The following PDE4B variants were observed in gnomAD, a reference collection of about 807,000 sequenced individuals.
PDE4B encodes 3',5'-cyclic-AMP phosphodiesterase 4B.
PDE4B carries 20 observed loss-of-function variants against 82.2 expected under a neutral mutation model. The ratio of observed to expected loss-of-function variants is 0.24; its 90% CI spans 0.17 to 0.35. The LOEUF (loss-of-function observed/expected upper bound fraction) is 0.35. PDE4B is among the 10% of genes least tolerant of loss of function. The pLI is 1.00. For synonymous variants in PDE4B, 320 were observed against 318.9 expected (o/e 1.00, Z -0.04); for missense variants, 655 against 907.2 (o/e 0.72, Z 3.57).
chr1:66,165,456 T>C (rs1646710394), intron 3 of PDE4B, among the ~76,000 whole-genome samples: 1 of 152,104 alleles, frequency 6.6e-6, no homozygotes, highest in African/African-American at 2.4e-5. Flanking sequence ...AAGAACTTAA[T>C]TGTGCAGATA....
intron 9 of PDE4B, among the ~76,000 whole-genome samples, chr1:66,358,140 G>T (rs1022545438): frequency 2.0e-5 from 3 of 152,112 alleles, no homozygotes; most frequent in African/African-American, 7.2e-5. Flanking sequence ...GAAAACAGGG[G>T]ACCCAGAGGG....
At chr1:65,816,200 T>TGTGG (rs1645882140) in intron 1 of PDE4B, among the ~76,000 whole-genome samples, 1 of 67,080 alleles carries the variant, frequency 1.5e-5, no homozygotes, top group Non-Finnish European at 4.0e-5. Context: ...AGTGTGTGTG[T>TGTGG]GTGTGTGTGT....
chr1:66,300,050 A>G (rs192342366), intron 7 of PDE4B, among the ~76,000 whole-genome samples: 4 of 152,314 alleles, frequency 2.6e-5, no homozygotes, highest in African/African-American at 9.6e-5. Flanking sequence ...ACAAACACAG[A>G]CATCTAGGGG....
chr1:66,030,037 G>GT (rs5774786), intron 3 of PDE4B, among the ~76,000 whole-genome samples: 20,294 of 144,214 alleles, frequency 0.14, 1,951 homozygotes, highest in East Asian at 0.28. Context: ...TCTGTTGAGG[G>GT]TTTTTTTTTT....
At chr1:65,868,731 G>A (rs1646540506) in intron 1 of PDE4B, among the ~76,000 whole-genome samples, 1 of 152,216 alleles carries the variant, frequency 6.6e-6, no homozygotes, top group Non-Finnish European at 1.5e-5. Context: ...CAGGTGAGCT[G>A]TGGCTGAGCC....
At chr1:66,206,313 C>T (rs1334494956) in intron 3 of PDE4B, among the ~76,000 whole-genome samples, 1 of 152,108 alleles carries the variant, frequency 6.6e-6, no homozygotes, top group African/African-American at 2.4e-5. Context: ...TTCAGTGTCC[C>T]TGAACGTTCA....
chr1:66,299,295 G>T (rs893785400), intron 7 of PDE4B, among the ~76,000 whole-genome samples: 8 of 151,862 alleles, frequency 5.3e-5, no homozygotes, highest in Non-Finnish European at 1.0e-4. Context: ...ATGTTTTTTA[G>T]CCTCCAGATA....
chr1:66,187,128 A>G (rs1647258802), intron 3 of PDE4B, among the ~76,000 whole-genome samples: 1 of 152,152 alleles, frequency 6.6e-6, no homozygotes, highest in Non-Finnish European at 1.5e-5. Context: ...TATATGCTGG[A>G]TTACGTTTAT....
At chr1:66,031,150 A>G (rs1362460350) in intron 3 of PDE4B, among the ~76,000 whole-genome samples, 2 of 152,210 alleles carry the variant, frequency 1.3e-5, no homozygotes, top group African/African-American at 2.4e-5. Flanking sequence ...AAATTGTACA[A>G]AAAAACCCTT....
intron 3 of PDE4B, among the ~76,000 whole-genome samples, chr1:66,081,388 A>G (rs1169863351): frequency 2.6e-5 from 4 of 152,032 alleles, no homozygotes; most frequent in African/African-American, 9.7e-5. Context: ...CCATGTCCCA[A>G]ACATTCTGAG....
intron 8 of PDE4B, among the ~76,000 whole-genome samples, chr1:66,344,568 G>T (rs146516525): frequency 7.2e-5 from 11 of 152,258 alleles, no homozygotes; most frequent in African/African-American, 2.6e-4. Context: ...TGCTTTTCAA[G>T]ACTCTTTAGG....
intron 8 of PDE4B, among the ~76,000 whole-genome samples, chr1:66,337,195 C>A (rs1316702090): frequency 6.6e-6 from 1 of 152,174 alleles, no homozygotes; most frequent in East Asian, 1.9e-4. Flanking sequence ...AGCAGTGCCG[C>A]CCTTAGCATA....
At chr1:66,139,461 G>T (rs748855603) in intron 3 of PDE4B, among the ~76,000 whole-genome samples, 2 of 152,084 alleles carry the variant, frequency 1.3e-5, no homozygotes, top group African/African-American at 4.8e-5. Context: ...TTTCCACATC[G>T]CTCTCCCTCC....
At chr1:65,828,616 G>A (rs1646046369) in intron 1 of PDE4B, among the ~76,000 whole-genome samples, 1 of 152,010 alleles carries the variant, frequency 6.6e-6, no homozygotes, top group African/African-American at 2.4e-5. Flanking sequence ...TATTGTTTTT[G>A]TAACATATAA....
intron 3 of PDE4B, among the ~76,000 whole-genome samples, chr1:66,087,417 G>T (rs1017883431): frequency 6.6e-6 from 1 of 152,050 alleles, no homozygotes; most frequent in South Asian, 2.1e-4. Context: ...TGAGTAGGTT[G>T]CGAAAATTTT....
At chr1:66,301,815 G>C (rs1180384885) in intron 7 of PDE4B, among the ~76,000 whole-genome samples, 5 of 152,088 alleles carry the variant, frequency 3.3e-5, no homozygotes, top group African/African-American at 1.2e-4. Context: ...GAGTTATAAA[G>C]ACCTTTTTCT....
chr1:66,034,040 G>T (rs527266269), intron 3 of PDE4B, among the ~76,000 whole-genome samples: 1 of 152,166 alleles, frequency 6.6e-6, no homozygotes, highest in South Asian at 2.1e-4. Flanking sequence ...GTTCTTCTTT[G>T]ACTTTCCATT....
chr1:65,909,344 A>T (rs1647062244), intron 1 of PDE4B, among the ~76,000 whole-genome samples: 2 of 152,158 alleles, frequency 1.3e-5, no homozygotes, highest in Non-Finnish European at 2.9e-5. Context: ...ATGATATAGA[A>T]TTTTAAAATA....
chr1:66,164,276 A>G (rs1646674974), intron 3 of PDE4B, among the ~76,000 whole-genome samples: 1 of 152,038 alleles, frequency 6.6e-6, no homozygotes, highest in Non-Finnish European at 1.5e-5. Flanking sequence ...AGTGGCTTAC[A>G]CCTGTAATCC....
Sources: allele counts gnomAD v4.1 joint callset (sites outside exome capture counted in the v4.1 genomes callset), GRCh38; gene constraint gnomAD v4.1.1; transcripts MANE v1.5; gene names NCBI Gene and HGNC (gene_info 2026-07-23, HGNC 2026-07-21).